TENM2: variants seen among roughly 807,000 people sequenced by gnomAD.
The protein encoded by TENM2 is teneurin transmembrane protein 2.
A neutral mutation model predicts 245.2 loss-of-function variants in TENM2; 52 were observed. That is an observed-to-expected ratio of 0.21 (90% CI 0.17 to 0.27). The LOEUF (loss-of-function observed/expected upper bound fraction) is 0.27, where lower values mean the gene tolerates loss of function less well. Ranked by LOEUF, TENM2 falls within the 10% of genes least tolerant of loss-of-function variation. The probability of loss-of-function intolerance (pLI) is 1.00; values close to 1 mark genes in which losing one functional copy is unlikely to be tolerated. For missense variants in TENM2, 3,046 were observed against 3,666.8 expected, an observed-to-expected ratio of 0.83 and a Z score of 4.37; for synonymous variants, 1,363 against 1,438.9, an observed-to-expected ratio of 0.95 and a Z score of 1.19.
intron 12 of TENM2, among the ~76,000 whole-genome samples, chr5:168,149,960 T>A (rs1373867074): frequency 2.6e-5 from 4 of 152,142 alleles, no homozygotes; most frequent in Non-Finnish European, 5.9e-5. Flanking sequence ...CTCCTTTAGG[T>A]TTTTTGCTCA....
At chr5:168,226,414 C>T (rs553468642) in intron 24 of TENM2, among the ~76,000 whole-genome samples, 151 bp downstream of exon 26, 2 of 152,240 alleles carry the variant, frequency 1.3e-5, no homozygotes, top group African/African-American at 2.4e-5. Flanking sequence ...CCACAGCAAA[C>T]TATAAGAGGT....
At chr5:167,263,615 T>A in the TENM2 span, among the ~76,000 whole-genome samples, 3 of 152,166 alleles carry the variant, frequency 2.0e-5, no homozygotes, top group Admixed American at 6.6e-5. Context: ...AATTCCTTAA[T>A]ATTTCTATAA....
At chr5:167,040,890 G>T in the TENM2 span, among the ~76,000 whole-genome samples, 2 of 152,272 alleles carry the variant, frequency 1.3e-5, no homozygotes, top group East Asian at 1.9e-4. Context: ...GAAGTAAATT[G>T]TGTCTGTATA....
At chr5:167,555,718 G>C (rs1415413624) in intron 2 of TENM2, among the ~76,000 whole-genome samples, 2 of 152,058 alleles carry the variant, frequency 1.3e-5, no homozygotes, top group African/African-American at 2.4e-5. Flanking sequence ...ATCCCTCCCT[G>C]ACATGTTGGG....
At chr5:167,814,948 CAT>C (rs1173700889) in intron 2 of TENM2, among the ~76,000 whole-genome samples, 1 of 152,082 alleles carries the variant, frequency 6.6e-6, no homozygotes, top group Non-Finnish European at 1.5e-5. Context: ...AGAAATTCCT[CAT>C]GTGTTAATAG....
chr5:168,217,587 G>A (rs374453063), intron 22 of TENM2, among the ~76,000 whole-genome samples: 6 of 152,222 alleles, frequency 3.9e-5, no homozygotes, highest in Admixed American at 1.3e-4. Context: ...GGAAGGATGC[G>A]TTCGGTTCCG....
In TENM2 at chr5:167,363,868, T is replaced by G. The variant is rs534481746; in HGVS notation, c.227-11330T>G. ...ACATTAGAATTTATCATTTACATAC[T>G]ATTAACTATGTATAATAGAAAAACT... is the stretch of plus-strand genomic sequence containing the variant. On this transcript the variant is annotated intron_variant, in intron 1 of 28. Transcript: ENST00000518659. Among the ~76,000 whole-genome samples, 3 of 152,132 alleles carry G rather than the reference T, an allele frequency of 2.0e-5. No individual in the cohort carries two copies. The East Asian group carries it at 5.8e-4, about 29-fold the overall frequency.
intron 2 of TENM2, among the ~76,000 whole-genome samples, chr5:167,746,712 A>AGAGAGAGAGC (rs751185236): frequency 1.3e-5 from 2 of 149,806 alleles, no homozygotes; most frequent in South Asian, 2.1e-4. Flanking sequence ...AGAGAGAGAG[A>AGAGAGAGAGC]GAGCTGGACT....
At chr5:168,084,848 T>C (rs1233529927) in intron 7 of TENM2, among the ~76,000 whole-genome samples, 1 of 152,228 alleles carries the variant, frequency 6.6e-6, no homozygotes, top group Non-Finnish European at 1.5e-5. Context: ...CTCCCTGTCC[T>C]CAGGCCAGCC....
Position 167,477,642 on chromosome 5 carries a change from G to T in TENM2, c.502+102169G>T, listed in dbSNP as rs1437222619. 2.0e-5 allele frequency among the ~76,000 whole-genome samples: 3 copies of T among 152,290 alleles called. No homozygotes were observed. In the East Asian group the frequency reaches 5.8e-4, roughly 29 times the overall value. Reference sequence around the variant, plus strand: ...CTATTCAGTCACCAGTTTTCTCAAAGTGGTAATCTGCACTGGACCTTCATG... The same window carrying T: ...CTATTCAGTCACCAGTTTTCTCAAATTGGTAATCTGCACTGGACCTTCATG... On this transcript the variant is annotated intron_variant, in intron 2 of 28. Coordinates refer to ENST00000518659, the Ensembl canonical transcript of TENM2.
At chr5:167,321,755 A>G (rs1056053340) in intron 1 of TENM2, among the ~76,000 whole-genome samples, 72 of 121,654 alleles carry the variant, frequency 5.9e-4, no homozygotes, top group Middle Eastern at 6.8e-3. Context: ...CTGCCTGGGC[A>G]TTGAATCTGT....
chr5:167,310,306 G>A (rs1364645891), intron 1 of TENM2, among the ~76,000 whole-genome samples: 7 of 152,048 alleles, frequency 4.6e-5, no homozygotes, highest in Non-Finnish European at 1.0e-4. Context: ...TAGCATATTC[G>A]GATTATAGCT....
intron 1 of TENM2, among the ~76,000 whole-genome samples, chr5:167,302,953 G>A (rs1455946725): frequency 2.6e-5 from 4 of 152,132 alleles, no homozygotes; most frequent in Non-Finnish European, 5.9e-5. Context: ...GAGCAGTGCT[G>A]GAGTTTTGGG....
intron 5 of TENM2, among the ~76,000 whole-genome samples, chr5:168,024,667 A>T (rs1261205951): frequency 6.6e-6 from 1 of 152,208 alleles, no homozygotes; most frequent in East Asian, 1.9e-4. Context: ...AGGACAATTA[A>T]GAAAAAAATA....
At chr5:167,065,026 A>G in the TENM2 span, among the ~76,000 whole-genome samples, 1 of 152,268 alleles carries the variant, frequency 6.6e-6, no homozygotes, top group South Asian at 2.1e-4. Context: ...TTGCGTTTTA[A>G]AGGGTACAGT....
At chr5:167,243,342 G>A in the TENM2 span, among the ~76,000 whole-genome samples, 1 of 152,156 alleles carries the variant, frequency 6.6e-6, no homozygotes, top group Non-Finnish European at 1.5e-5. Flanking sequence ...GGTGAGTGGG[G>A]CCTCATGGCT....
intron 2 of TENM2, among the ~76,000 whole-genome samples, chr5:167,693,394 T>A (rs1321990425): frequency 6.6e-6 from 1 of 152,200 alleles, no homozygotes; most frequent in Non-Finnish European, 1.5e-5. Context: ...TAGTTAGGAT[T>A]TAATGAATAC....
At chr5:167,635,673 C>T (rs1779159554) in intron 2 of TENM2, among the ~76,000 whole-genome samples, 1 of 85,546 alleles carries the variant, frequency 1.2e-5, no homozygotes, top group Non-Finnish European at 1.9e-5. Context: ...GAGACGGAGT[C>T]TCGCTCTGTC....
chr5:167,637,443 C>T (rs1291890820), intron 2 of TENM2, among the ~76,000 whole-genome samples: 3 of 152,078 alleles, frequency 2.0e-5, no homozygotes, highest in Non-Finnish European at 2.9e-5. Context: ...AGAATTTAGA[C>T]CATTTGACCC....
Sources: allele counts gnomAD v4.1 joint callset (sites outside exome capture counted in the v4.1 genomes callset), GRCh38; gene constraint gnomAD v4.1.1; transcripts MANE v1.5; gene names NCBI Gene and HGNC (gene_info 2026-07-23, HGNC 2026-07-21).